The following DENND1A variants were observed in gnomAD, a reference collection of about 807,000 sequenced individuals.
DENND1A encodes the protein DENN domain containing 1A, also known as DENN domain-containing protein 1A.
A neutral mutation model predicts 113.7 loss-of-function variants in DENND1A; 51 were observed. That is an observed-to-expected ratio of 0.45 (90% CI 0.36 to 0.57). The LOEUF is 0.57. Ranked by LOEUF, DENND1A falls within the 20% of genes least tolerant of loss-of-function variation. The pLI is 0.00. For synonymous variants in DENND1A, 565 were observed against 570.8 expected, an observed-to-expected ratio of 0.99 and a Z score of 0.14; for missense variants, 1,258 against 1,395.9, an observed-to-expected ratio of 0.90 and a Z score of 1.57.
rs570065360 is a variant in DENND1A, at chr9:123,586,064, A to C, written c.766-2794T>G. ...GTCTCTCACTTCAAAGGCTATGCAC[A>C]GTCAGTCACAGGAAACAGAATCAGA... is the stretch of plus-strand genomic sequence containing the variant. On this transcript the variant is annotated intron_variant, in intron 11 of 23. Coordinates refer to ENST00000394215, the MANE Select transcript of DENND1A (RefSeq NM_001352964.2). 3.4e-4 allele frequency among the ~76,000 whole-genome samples: 45 copies of C among 133,514 alleles called. No individual in the cohort carries two copies. The South Asian group carries it at 0.01, about 30-fold the overall frequency. 87.6% of individuals were successfully genotyped at this position (133,514 alleles called of 152,430 possible). A position where few individuals can be genotyped will look rare whatever the true frequency, so the allele number is the denominator to read the frequency against.
intron 6 of DENND1A, 71 bp downstream of exon 6, chr9:123,676,649 C>T (rs1352381884): frequency 2.8e-6 from 4 of 1,430,520 alleles, no homozygotes; most frequent in Non-Finnish European, 3.9e-6. Flanking sequence ...AAATATAAGG[C>T]ATGTTTTACT....
At chr9:123,838,479 G>A (rs562518920) in intron 2 of DENND1A, among the ~76,000 whole-genome samples, 49 of 152,088 alleles carry the variant, frequency 3.2e-4, no homozygotes, top group African/African-American at 1.1e-3. Flanking sequence ...GAAAAATGAT[G>A]ATACTTGAGG....
intron 5 of DENND1A, among the ~76,000 whole-genome samples, chr9:123,680,147 T>C (rs541399029): frequency 2.6e-5 from 4 of 152,212 alleles, no homozygotes; most frequent in African/African-American, 9.6e-5. Flanking sequence ...TGGAGCATCA[T>C]CATGACCCAA....
chr9:123,704,189 A>G (rs148416338), intron 5 of DENND1A, among the ~76,000 whole-genome samples: 3 of 152,276 alleles, frequency 2.0e-5, no homozygotes, highest in Middle Eastern at 6.8e-3. Flanking sequence ...TAAACAAGCA[A>G]TAAAGCTAGT....
intron 5 of DENND1A, among the ~76,000 whole-genome samples, chr9:123,683,045 CA>C (rs34308160): frequency 0.45 from 68,298 of 152,034 alleles, 17,868 homozygotes; most frequent in African/African-American, 0.73. Context: ...TCCACCCTTT[CA>C]AGTTTCACCT....
At chr9:123,683,350 C>T (rs1289797325) in intron 5 of DENND1A, among the ~76,000 whole-genome samples, 1 of 152,118 alleles carries the variant, frequency 6.6e-6, no homozygotes, top group Non-Finnish European at 1.5e-5. Flanking sequence ...AAGAGACCTT[C>T]GGGAAACTGA....
At chr9:123,633,650 C>A (rs982885532) in intron 9 of DENND1A, among the ~76,000 whole-genome samples, 4 of 152,140 alleles carry the variant, frequency 2.6e-5, no homozygotes, top group Non-Finnish European at 5.9e-5. Context: ...GTGGCACATG[C>A]CTGTAGTCCC....
At chr9:123,927,142 C>A (rs894575475) in intron 1 of DENND1A, among the ~76,000 whole-genome samples, 1 of 152,198 alleles carries the variant, frequency 6.6e-6, no homozygotes, top group Non-Finnish European at 1.5e-5. Context: ...AGGATTTCCA[C>A]GGTACCTGAC....
chr9:123,728,248 C>T (rs368404527), intron 5 of DENND1A, among the ~76,000 whole-genome samples: 3 of 151,856 alleles, frequency 2.0e-5, no homozygotes, highest in African/African-American at 4.8e-5. Context: ...GAGGCCAAGG[C>T]GGGCAGACAA....
chr9:123,694,508 C>T (rs1589697518), intron 5 of DENND1A, among the ~76,000 whole-genome samples: 2 of 152,302 alleles, frequency 1.3e-5, no homozygotes, highest in East Asian at 3.9e-4. Context: ...TAAAGGACAT[C>T]CTGACAAACC....
chr9:123,490,166 T>C (rs2133954011), intron 13 of DENND1A, among the ~76,000 whole-genome samples: 1 of 152,314 alleles, frequency 6.6e-6, no homozygotes, highest in Non-Finnish European at 1.5e-5. Context: ...AAGTTTTATG[T>C]TTAATACATG....
intron 13 of DENND1A, among the ~76,000 whole-genome samples, chr9:123,553,942 G>C (rs557163104): frequency 2.0e-5 from 3 of 152,260 alleles, no homozygotes; most frequent in African/African-American, 4.8e-5. Context: ...ATTTTTAGTA[G>C]AGACAGGATG....
At chr9:123,630,000 A>G (rs904701789) in intron 10 of DENND1A, among the ~76,000 whole-genome samples, 4 of 152,098 alleles carry the variant, frequency 2.6e-5, no homozygotes, top group Non-Finnish European at 5.9e-5. Flanking sequence ...GGGCCGTGCA[A>G]TCAGGTGGTC....
intron 10 of DENND1A, among the ~76,000 whole-genome samples, chr9:123,622,779 T>G (rs1398579275): frequency 1.3e-5 from 2 of 152,196 alleles, no homozygotes; most frequent in African/African-American, 4.8e-5. Context: ...GCAATAATGT[T>G]TATAAAGAGC....
intron 21 of DENND1A, among the ~76,000 whole-genome samples, chr9:123,388,817 T>C (rs2042696472): frequency 6.6e-6 from 1 of 152,182 alleles, no homozygotes; most frequent in African/African-American, 2.4e-5. Flanking sequence ...ATCCCGGCCC[T>C]TGTGCTGGGG....
intron 5 of DENND1A, among the ~76,000 whole-genome samples, chr9:123,687,777 C>T (rs1423956316): frequency 6.6e-6 from 1 of 152,234 alleles, no homozygotes; most frequent in African/African-American, 2.4e-5. Flanking sequence ...CTTCTTCTTG[C>T]TTCACTCTGC....
chr9:123,716,386 A>G (rs973853334), intron 5 of DENND1A, among the ~76,000 whole-genome samples: 13 of 152,174 alleles, frequency 8.5e-5, no homozygotes, highest in African/African-American at 3.1e-4. Flanking sequence ...TTTCAGCATT[A>G]GCTAAAAGAG....
chr9:123,697,597 C>T (rs1009883273), intron 5 of DENND1A, among the ~76,000 whole-genome samples: 17 of 152,170 alleles, frequency 1.1e-4, no homozygotes, highest in African/African-American at 4.1e-4. Flanking sequence ...CCTTTGCATC[C>T]TCATAGCTTA....
intron 20 of DENND1A, among the ~76,000 whole-genome samples, chr9:123,404,218 C>T (rs114843283): frequency 0.025 from 3,859 of 152,222 alleles, 72 homozygotes; most frequent in African/African-American, 0.043. Flanking sequence ...TCTCTGAAAG[C>T]GAACATGAGG....
Sources: allele counts gnomAD v4.1 joint callset (sites outside exome capture counted in the v4.1 genomes callset), GRCh38; gene constraint gnomAD v4.1.1; transcripts MANE v1.5; gene names NCBI Gene and HGNC (gene_info 2026-07-23, HGNC 2026-07-21).